Variants in PKD2 observed in about 807,000 individuals in gnomAD.
PKD2 encodes the protein polycystin-2.
Under a neutral mutation model 105.9 loss-of-function variants are expected in PKD2, and 48 were observed. That is an observed-to-expected ratio of 0.45 (90% confidence interval 0.36 to 0.58). The LOEUF is 0.58. Ranked by LOEUF, PKD2 falls within the 20% of genes least tolerant of loss-of-function variation. The pLI, the probability that PKD2 is intolerant of heterozygous loss-of-function variation, is 0.00. For missense variants in PKD2, 1,078 were observed against 1,255.3 expected (o/e 0.86, Z 2.13); for synonymous variants, 464 against 481.1 (o/e 0.96, Z 0.46).
chr4:88,034,077 A>C (rs1206713228), intron 2 of PKD2, among the ~76,000 whole-genome samples: 1 of 152,174 alleles, frequency 6.6e-6, no homozygotes, highest in East Asian at 1.9e-4. Context: ...TGAATGGATT[A>C]GAATTCTAAA....
At chr4:88,040,906 A>G (rs1009217791) in intron 4 of PKD2, among the ~76,000 whole-genome samples, 2 of 151,874 alleles carry the variant, frequency 1.3e-5, no homozygotes, top group African/African-American at 2.4e-5. Context: ...GTGACTCATC[A>G]TTTCTTCAAC....
At chr4:88,036,417 T>C in intron 3 of PKD2, 64 bp downstream of exon 3, 1 of 1,606,426 alleles carries the variant, frequency 6.2e-7, no homozygotes. Flanking sequence ...GGCTTCATCA[T>C]TTCAATGCAT....
At chr4:88,061,699 C>T (rs1720577102) in intron 9 of PKD2, among the ~76,000 whole-genome samples, 1 of 151,786 alleles carries the variant, frequency 6.6e-6, no homozygotes, top group Non-Finnish European at 1.5e-5. Flanking sequence ...GGTCGCGCCC[C>T]TGCACTCCAG....
chr4:88,015,961 G>T (rs536052458), intron 1 of PKD2, among the ~76,000 whole-genome samples: 1 of 152,290 alleles, frequency 6.6e-6, no homozygotes, highest in East Asian at 1.9e-4. Context: ...CAGACCTGGG[G>T]TAGGAAGTGT....
rs1801612 is a variant in PKD2, at chr4:88,046,676, A to G, written c.1354A>G (p.Ile452Val). 1.1e-3 allele frequency: 1,826 copies of G among 1,613,050 alleles called. 31 individuals are homozygous for G. In the East Asian group the frequency reaches 0.035, roughly 31 times the overall value. The part of the protein sequence containing the change: ...LVEFPATGGV[I>V]PSWQFQPLKL... ...TGAATTCCCAGCAACAGGTGGTGTG[A>G]TTCCATCTTGGCAATTTCAGCCTTT... is the stretch of plus-strand genomic sequence containing the variant. Residue 452 changes from isoleucine (I) to valine (V), a missense_variant, in exon 6 of 15, where the codon ATT becomes GTT. By Grantham distance (29) the Ile-to-Val change is conservative (BLOSUM62 3). This residue lies in a region of PKD2 where 868 missense variants were observed against 1,067.3 expected (regional missense o/e 0.81). Transcript: ENST00000237596.
intron 1 of PKD2, among the ~76,000 whole-genome samples, chr4:88,015,637 G>A (rs1188049211): frequency 2.0e-5 from 3 of 152,162 alleles, no homozygotes; most frequent in Admixed American, 1.3e-4. Context: ...AGATAGGCTG[G>A]TCTCAAACTC....
intron 6 of PKD2, among the ~76,000 whole-genome samples, chr4:88,047,137 C>T (rs1046095944): frequency 1.3e-5 from 2 of 151,766 alleles, no homozygotes; most frequent in African/African-American, 2.4e-5. Flanking sequence ...TTTAGTATGC[C>T]GTATGAGATG....
intron 1 of PKD2, among the ~76,000 whole-genome samples, chr4:88,012,896 TC>T (rs1412911731): frequency 6.6e-6 from 1 of 152,128 alleles, no homozygotes; most frequent in Admixed American, 6.5e-5. Context: ...GCGTGCAAAT[TC>T]CCTTCTTTTT....
At chr4:88,052,834 A>C (rs1720160382) in intron 7 of PKD2, among the ~76,000 whole-genome samples, 1 of 152,148 alleles carries the variant, frequency 6.6e-6, no homozygotes, top group Non-Finnish European at 1.5e-5. Context: ...TGCACTTGGA[A>C]ATGCTTGCTA....
Position 88,065,475 on chromosome 4 carries a change from A to G in PKD2, c.2220A>G (p.Glu740=), listed in dbSNP as rs1329116671. Residue 740 remains glutamate (E), a synonymous_variant, in exon 11 of 15, where the codon GAA becomes GAG. Transcript: ENST00000237596. ...GAGGAGGCAAGTTAAACTTTGACGA[A>G]CTTCGACAAGATCTCAAAGGGTGAG... ...RQGGGKLNFD[E]LRQDLKGKGH... 1 of 1,613,934 alleles carries G rather than the reference A, an allele frequency of 6.2e-7. No homozygotes were observed. The highest frequency in any genetic ancestry group is 8.5e-7 in the Non-Finnish European group (1 of 1,179,794).
intron 4 of PKD2, among the ~76,000 whole-genome samples, chr4:88,040,534 C>G (rs1727521535): frequency 6.6e-6 from 1 of 152,182 alleles, no homozygotes. Context: ...CCCTTCAACT[C>G]CAAACTTCTT....
chr4:88,043,982 C>G (rs1727674696), intron 5 of PKD2, among the ~76,000 whole-genome samples: 1 of 152,178 alleles, frequency 6.6e-6, no homozygotes, highest in African/African-American at 2.4e-5. Flanking sequence ...TGGGATGTTG[C>G]CATGATGACC....
At chr4:88,034,925 A>G (rs1578128080) in intron 2 of PKD2, among the ~76,000 whole-genome samples, 1 of 152,344 alleles carries the variant, frequency 6.6e-6, no homozygotes, top group Middle Eastern at 3.4e-3. Context: ...ATTAAAGTCC[A>G]GAATGAGACA....
At chr4:88,067,792 C>T in intron 12 of PKD2, 106 bp from the exon 13 acceptor site, 1 of 916,096 alleles carries the variant, frequency 1.1e-6, no homozygotes, top group Non-Finnish European at 1.7e-6. Flanking sequence ...ACAAAGAAAT[C>T]CCAGGTAAAT....
intron 5 of PKD2, 101 bp from the exon 6 acceptor site, chr4:88,046,541 C>A (rs931481053): frequency 5.1e-6 from 4 of 783,308 alleles, no homozygotes; most frequent in African/African-American, 5.1e-5. Flanking sequence ...GTAGCAGTTT[C>A]ATTACCTTGT....
chr4:88,064,626 C>A (rs1720717093), intron 10 of PKD2, among the ~76,000 whole-genome samples: 1 of 152,068 alleles, frequency 6.6e-6, no homozygotes, highest in African/African-American at 2.4e-5. Context: ...GGGGCAGTGG[C>A]TCACCCCTGT....
At chr4:88,059,851 A>G (rs1216363338) in intron 9 of PKD2, among the ~76,000 whole-genome samples, 1 of 152,306 alleles carries the variant, frequency 6.6e-6, no homozygotes, top group East Asian at 1.9e-4. Context: ...CAAGCTGAGC[A>G]TAGGGTTGGC....
intron 9 of PKD2, among the ~76,000 whole-genome samples, chr4:88,058,570 GA>G (rs749506100): frequency 6.6e-6 from 1 of 152,048 alleles, no homozygotes; most frequent in Non-Finnish European, 1.5e-5. Flanking sequence ...AATAAGAACG[GA>G]AAAGCAAGCT....
chr4:88,040,830 C>G (rs893522381), intron 4 of PKD2, among the ~76,000 whole-genome samples: 1 of 152,162 alleles, frequency 6.6e-6, no homozygotes, highest in Non-Finnish European at 1.5e-5. Context: ...ATTCATATCT[C>G]CGTCTTTTCT....
Sources: allele counts gnomAD v4.1 joint callset (sites outside exome capture counted in the v4.1 genomes callset), GRCh38; gene constraint gnomAD v4.1.1; regional missense constraint gnomAD v4.1.1; transcripts MANE v1.5; gene names NCBI Gene and HGNC (gene_info 2026-07-23, HGNC 2026-07-21).